The following NCOA1 variants were observed in gnomAD, a reference collection of about 807,000 sequenced individuals.
NCOA1 encodes the protein nuclear receptor coactivator 1, also known as Hin-2 protein.
A neutral mutation model predicts 150.9 loss-of-function variants in NCOA1; 35 were observed. That is an observed-to-expected ratio of 0.23 (90% CI 0.18 to 0.31). The LOEUF (loss-of-function observed/expected upper bound fraction) is 0.31, where lower values mean the gene tolerates loss of function less well. Ranked by LOEUF, NCOA1 falls within the 10% of genes least tolerant of loss-of-function variation. The pLI, the probability that NCOA1 is intolerant of heterozygous loss-of-function variation, is 1.00. For missense variants in NCOA1, 1,491 were observed against 1,749.3 expected (o/e 0.85, Z 2.63); for synonymous variants, 590 against 630.0 (o/e 0.94, Z 0.95).
intron 1 of NCOA1, among the ~76,000 whole-genome samples, chr2:24,548,705 C>T (rs778760877): frequency 2.2e-4 from 33 of 152,186 alleles, no homozygotes; most frequent in Non-Finnish European, 4.0e-4. Flanking sequence ...CTACAGGTCC[C>T]AACCAAGTCC....
At chr2:24,602,843 T>G (rs1177695808) in intron 3 of NCOA1, among the ~76,000 whole-genome samples, 1 of 152,192 alleles carries the variant, frequency 6.6e-6, no homozygotes, top group African/African-American at 2.4e-5. Context: ...CTGTGGAAAC[T>G]CCCTGTGTAA....
At chr2:24,517,436 G>C in intron 1 of NCOA1, among the ~76,000 whole-genome samples, 1 of 151,948 alleles carries the variant, frequency 6.6e-6, no homozygotes, top group East Asian at 1.9e-4. Flanking sequence ...TCACAGCCAG[G>C]CCCTTCTTGG....
At chr2:24,521,696 A>C (rs1163575323) in intron 1 of NCOA1, among the ~76,000 whole-genome samples, 1 of 152,174 alleles carries the variant, frequency 6.6e-6, no homozygotes, top group African/African-American at 2.4e-5. Context: ...TCAACATGAG[A>C]GTTGGAGATC....
chr2:24,728,923 G>A (rs1168346143), intron 16 of NCOA1, among the ~76,000 whole-genome samples: 2 of 152,174 alleles, frequency 1.3e-5, no homozygotes, highest in African/African-American at 4.8e-5. Context: ...AGAATGCATA[G>A]CCCATAAAAA....
chr2:24,765,026 A>T (rs1294131983), intron 22 of NCOA1, among the ~76,000 whole-genome samples: 1 of 152,116 alleles, frequency 6.6e-6, no homozygotes, highest in Non-Finnish European at 1.5e-5. Flanking sequence ...AAAATACAAA[A>T]ATTAGCCAGG....
rs115066775 is a variant in NCOA1 at position 24,596,159 on chromosome 2, A to G, written c.-175+11599A>G. Among the ~76,000 whole-genome samples, 405 of 152,338 alleles carry G rather than the reference A, an allele frequency of 2.7e-3. 2 individuals carry two copies. Among genetic ancestry groups the G allele is most frequent in the Admixed American group, 4.4e-3 (68 of 15,298 alleles). ...GTCCCCTGCTAATTTGACAAGGATT[A>G]AACTACAGTATCATTGGGTAGATCA... On this transcript the variant is annotated intron_variant, in intron 3 of 22. Transcript: ENST00000348332.
chr2:24,698,805 G>A (rs1248721799), intron 11 of NCOA1, among the ~76,000 whole-genome samples: 1 of 151,970 alleles, frequency 6.6e-6, no homozygotes, highest in Non-Finnish European at 1.5e-5. Flanking sequence ...CTAAGTTTAC[G>A]GATGATTTTC....
At chr2:24,658,321 C>A (rs1034729759) in intron 4 of NCOA1, among the ~76,000 whole-genome samples, 1 of 152,224 alleles carries the variant, frequency 6.6e-6, no homozygotes, top group South Asian at 2.1e-4. Context: ...CAACATTCGG[C>A]TTCTACATTT....
chr2:24,577,671 T>C (rs1392659525), intron 2 of NCOA1, among the ~76,000 whole-genome samples: 6 of 152,224 alleles, frequency 3.9e-5, no homozygotes, highest in Non-Finnish European at 7.4e-5. Context: ...CTGGAAACTT[T>C]TGACAGATTG....
chr2:24,757,425 G>A (rs1664557113), intron 20 of NCOA1, among the ~76,000 whole-genome samples: 1 of 152,110 alleles, frequency 6.6e-6, no homozygotes, highest in Non-Finnish European at 1.5e-5. Flanking sequence ...TATTTACTGA[G>A]TGCCTGCTAT....
intron 1 of NCOA1, among the ~76,000 whole-genome samples, chr2:24,553,553 CATTTATTTTTCA>C (rs1226048215): frequency 6.6e-6 from 1 of 152,082 alleles, no homozygotes; most frequent in Non-Finnish European, 1.5e-5. Flanking sequence ...TTAAGATGAT[CATTTATTTTTCA>C]GTCTGTTAAT....
chr2:24,750,725 T>C (rs1041074336), intron 19 of NCOA1, among the ~76,000 whole-genome samples: 2 of 152,144 alleles, frequency 1.3e-5, no homozygotes, highest in African/African-American at 4.8e-5. Flanking sequence ...ATTTGGGGAA[T>C]GATTAGGTGT....
intron 14 of NCOA1, among the ~76,000 whole-genome samples, chr2:24,721,090 A>G (rs1430905690): frequency 6.6e-6 from 1 of 152,248 alleles, no homozygotes; most frequent in East Asian, 1.9e-4. Flanking sequence ...TTCTGAGAGA[A>G]TCTCTGAGCT....
intron 3 of NCOA1, among the ~76,000 whole-genome samples, chr2:24,621,905 T>G (rs1378925379): frequency 6.6e-6 from 1 of 152,208 alleles, no homozygotes; most frequent in Non-Finnish European, 1.5e-5. Flanking sequence ...TTGTCTCATT[T>G]CCCCAAACCT....
intron 1 of NCOA1, among the ~76,000 whole-genome samples, chr2:24,493,272 C>G (rs2148055521): frequency 6.6e-6 from 1 of 152,106 alleles, no homozygotes; most frequent in South Asian, 2.1e-4. Context: ...AACGAATGTC[C>G]GAAATGTTTT....
chr2:24,599,838 C>T (rs958244670), intron 3 of NCOA1, among the ~76,000 whole-genome samples: 42 of 149,516 alleles, frequency 2.8e-4, no homozygotes, highest in African/African-American at 1.0e-3. Flanking sequence ...TTAAGCGATT[C>T]TCGTGCCTCA....
intron 2 of NCOA1, among the ~76,000 whole-genome samples, chr2:24,568,080 A>C (rs547895456): frequency 6.6e-6 from 1 of 152,104 alleles, no homozygotes; most frequent in African/African-American, 2.4e-5. Context: ...CTGTTTTTCA[A>C]ATGTTCACAG....
At chr2:24,678,723 T>G (rs1672030689) in intron 7 of NCOA1, among the ~76,000 whole-genome samples, 1 of 152,232 alleles carries the variant, frequency 6.6e-6, no homozygotes, top group Non-Finnish European at 1.5e-5. Flanking sequence ...GCCTGCTTTT[T>G]AATGGGGTTG....
At position 24,707,660 on chromosome 2, in the gene NCOA1, T is replaced by A; in HGVS notation, c.2190T>A (p.Ser730Arg). ...CTGGACAGGTACAAGGAAACTCCAG[T>A]ATAAAACTAGAACTGGATGCTTCAA... ...SVTGQVQGNS[S>R]IKLELDASKK... The change falls in exon 13 of 23, where the codon AGT becomes AGA. Residue 730 changes from serine (S) to arginine (R), a missense_variant. This residue lies in a region of NCOA1 where 703 missense variants were observed against 717.7 expected (regional missense o/e 0.98). Transcript: ENST00000348332. 6.2e-7 allele frequency: 1 copy of A among 1,614,132 alleles called. No homozygotes were observed. The highest frequency in any genetic ancestry group is 8.5e-7 in the Non-Finnish European group (1 of 1,180,014).
Sources: gnomAD v4.1 joint callset for allele counts (sites outside exome capture counted in the v4.1 genomes callset) on GRCh38, gnomAD v4.1.1 for gene constraint, gnomAD v4.1.1 regional missense constraint, MANE v1.5 for transcripts, NCBI Gene and HGNC (gene_info 2026-07-23, HGNC 2026-07-21) for gene names.